ZMAT4: variants seen among roughly 807,000 people sequenced by gnomAD.
ZMAT4 encodes zinc finger matrin-type protein 4.
In ZMAT4, 17 loss-of-function variants were observed where a neutral mutation model predicts 28.7. That is an observed-to-expected ratio of 0.59 (90% CI 0.41 to 0.89). ZMAT4 has a LOEUF of 0.89. Ranked by LOEUF, ZMAT4 falls within the 40% of genes least tolerant of loss-of-function variation. ZMAT4 has a pLI of 0.00. For synonymous variants in ZMAT4, 117 were observed against 109.2 expected (o/e 1.07, Z -0.44); for missense variants, 240 against 283.8 (o/e 0.85, Z 1.11).
intron 1 of ZMAT4, among the ~76,000 whole-genome samples, chr8:40,877,967 T>C (rs897849992): frequency 6.6e-6 from 1 of 152,226 alleles, no homozygotes; most frequent in African/African-American, 2.4e-5. Context: ...ACAGAAGTCA[T>C]AATTTACATT....
chr8:40,580,851 G>A (rs1804441410), intron 6 of ZMAT4, among the ~76,000 whole-genome samples: 1 of 152,112 alleles, frequency 6.6e-6, no homozygotes, highest in African/African-American at 2.4e-5. Context: ...TGTCATCAAA[G>A]TTTGGTACAT....
chr8:40,820,957 CTGTGTGTA>C (rs1424661537), intron 2 of ZMAT4, among the ~76,000 whole-genome samples: 6 of 34,930 alleles, frequency 1.7e-4, no homozygotes, highest in African/African-American at 4.4e-4. Flanking sequence ...ATGTGTGTGT[CTGTGTGTA>C]TGTGTGTATG....
intron 5 of ZMAT4, among the ~76,000 whole-genome samples, chr8:40,629,625 C>G (rs1324315618): frequency 1.4e-5 from 2 of 147,330 alleles, no homozygotes; most frequent in Non-Finnish European, 1.5e-5. Context: ...TCTCATTGTT[C>G]AGTTCCCACC....
At chr8:40,769,942 T>C (rs375982526) in intron 2 of ZMAT4, among the ~76,000 whole-genome samples, 2 of 152,168 alleles carry the variant, frequency 1.3e-5, no homozygotes, top group Admixed American at 6.5e-5. Context: ...AGCTCTGATA[T>C]GAAGCCATTA....
intron 3 of ZMAT4, among the ~76,000 whole-genome samples, chr8:40,715,047 CAAA>C (rs10690797): frequency 2.7e-5 from 2 of 73,356 alleles, no homozygotes; most frequent in Non-Finnish European, 4.9e-5. Flanking sequence ...GACTCTGTCT[CAAA>C]AAAAAAAAAA....
At chr8:40,601,617 A>G (rs1320602934) in intron 5 of ZMAT4, among the ~76,000 whole-genome samples, 20 of 25,708 alleles carry the variant, frequency 7.8e-4, no homozygotes, top group African/African-American at 2.0e-3. Context: ...AAAGAAAGAA[A>G]GAAAGAAAGA....
chr8:40,815,013 G>A (rs940230090), intron 2 of ZMAT4, among the ~76,000 whole-genome samples: 3 of 152,144 alleles, frequency 2.0e-5, no homozygotes, highest in Admixed American at 6.5e-5. Context: ...GGCAGCTCAT[G>A]CCTGTAATCC....
In ZMAT4 at chr8:40,781,906, T is replaced by C. The variant is rs145399527; in HGVS notation, c.103-14176A>G. Among the ~76,000 whole-genome samples, 2 of 151,146 alleles carry C rather than the reference T, an allele frequency of 1.3e-5. 1 individual carries two copies. Among genetic ancestry groups the C allele is most frequent in the Non-Finnish European group, 2.9e-5 (2 of 67,902 alleles). ...ATTAAATATATGCAAAACAGTGGAG[T>C]TGGACTCCTACCTCCTACCATATAC... On this transcript the variant is annotated intron_variant, in intron 2 of 6. Coordinates refer to ENST00000297737, the MANE Select transcript of ZMAT4 (RefSeq NM_024645.3).
intron 2 of ZMAT4, among the ~76,000 whole-genome samples, chr8:40,799,025 A>C (rs967602609): frequency 1.1e-4 from 16 of 152,206 alleles, no homozygotes; most frequent in African/African-American, 3.4e-4. Context: ...CCATCTTGAT[A>C]AATAGATAGA....
At chr8:40,677,190 T>G (rs1160817524) in intron 4 of ZMAT4, among the ~76,000 whole-genome samples, 2 of 152,182 alleles carry the variant, frequency 1.3e-5, no homozygotes, top group East Asian at 3.8e-4. Context: ...CAATAGAATA[T>G]TCATCAAATA....
intron 5 of ZMAT4, among the ~76,000 whole-genome samples, chr8:40,654,971 T>C (rs1051380609): frequency 3.3e-5 from 5 of 151,492 alleles, no homozygotes; most frequent in African/African-American, 1.2e-4. Flanking sequence ...GAAACTTAAA[T>C]AAAAGGCATC....
At chr8:40,811,657 C>T (rs1815323013) in intron 2 of ZMAT4, among the ~76,000 whole-genome samples, 1 of 152,024 alleles carries the variant, frequency 6.6e-6, no homozygotes. Context: ...ACTACCCATC[C>T]CTGAAGGAAT....
chr8:40,608,392 A>G lies in ZMAT4; in HGVS notation c.578-27131T>C, dbSNP rs377746971. Among the ~76,000 whole-genome samples, 207 of 152,280 alleles carry G rather than the reference A, an allele frequency of 1.4e-3. 1 individual carries two copies. Among genetic ancestry groups the G allele is most frequent in the African/African-American group, 4.9e-3 (203 of 41,552 alleles). On this transcript the variant is annotated intron_variant, in intron 5 of 6. Coordinates refer to ENST00000297737, the MANE Select transcript of ZMAT4 (RefSeq NM_024645.3). ...GTGACAGGCCTCACTCAGCTTCCAC[A>G]CAGCCAGAAAGGCCAGTCTCATTCC...
intron 4 of ZMAT4, among the ~76,000 whole-genome samples, chr8:40,691,669 C>G (rs1809671898): frequency 6.6e-6 from 1 of 152,162 alleles, no homozygotes; most frequent in African/African-American, 2.4e-5. Context: ...TATGTATTTA[C>G]ATACAATAAT....
chr8:40,643,825 A>G (rs1457363902), intron 5 of ZMAT4, among the ~76,000 whole-genome samples: 1 of 149,270 alleles, frequency 6.7e-6, no homozygotes, highest in Admixed American at 6.7e-5. Flanking sequence ...GTGTTCCAGG[A>G]AAAAAAAACT....
intron 6 of ZMAT4, among the ~76,000 whole-genome samples, chr8:40,561,474 T>G (rs775516087): frequency 2.7e-4 from 41 of 152,260 alleles, no homozygotes; most frequent in Middle Eastern, 3.4e-3. Flanking sequence ...CCTGCAGAAC[T>G]ACCACTTTAT....
chr8:40,883,888 T>C (rs936125987), intron 1 of ZMAT4, among the ~76,000 whole-genome samples: 60 of 152,166 alleles, frequency 3.9e-4, no homozygotes, highest in Non-Finnish European at 1.6e-4. Context: ...TTTTTGAGGA[T>C]CTCGATCCAT....
intron 2 of ZMAT4, among the ~76,000 whole-genome samples, chr8:40,824,579 G>A (rs908103116): frequency 6.8e-6 from 1 of 147,006 alleles, no homozygotes; most frequent in Non-Finnish European, 1.5e-5. Context: ...CAGCACTCCA[G>A]CCTGGATGAC....
rs1219760129 is a variant in ZMAT4, at chr8:40,881,594, G to GA, written c.-5+16088dup. ...AGAAAGAAAGAAAGAAAGAAAGAAAGAAAGAAAAGAAAAGAAAAGAGAGAG... is the reference window on the plus strand; with the variant it reads ...AGAAAGAAAGAAAGAAAGAAAGAAAGAAAAGAAAAGAAAAGAAAAGAGAGAG... On this transcript the variant is annotated intron_variant, in intron 1 of 6. Transcript: ENST00000297737. Among the ~76,000 whole-genome samples, 279 of 108,538 alleles carry GA rather than the reference G, an allele frequency of 2.6e-3. 1 individual carries two copies. The highest frequency in any genetic ancestry group is 4.3e-3 in the Non-Finnish European group (217 of 50,426). 71.2% of individuals were successfully genotyped at this position (108,538 alleles called of 152,430 possible). A position where few individuals can be genotyped will look rare whatever the true frequency, so the allele number is the denominator to read the frequency against.
Sources: gnomAD v4.1 joint callset for allele counts (sites outside exome capture counted in the v4.1 genomes callset) on GRCh38, gnomAD v4.1.1 for gene constraint, MANE v1.5 for transcripts, NCBI Gene and HGNC (gene_info 2026-07-23, HGNC 2026-07-21) for gene names.